SYN2: variants seen among roughly 807,000 people sequenced by gnomAD.
SYN2 encodes synapsin II.
SYN2 carries 19 observed loss-of-function variants against 50.9 expected under a neutral mutation model. The ratio of observed to expected loss-of-function variants is 0.37; its 90% CI spans 0.26 to 0.55. SYN2 has a LOEUF of 0.55. Among genes scored for constraint, SYN2 ranks in the 20% least tolerant of loss-of-function variants. SYN2 has a pLI of 0.81. For missense variants in SYN2, 587 were observed against 576.4 expected (o/e 1.02, Z -0.19); for synonymous variants, 255 against 224.9 (o/e 1.13, Z -1.20).
intron 5 of SYN2, among the ~76,000 whole-genome samples, chr3:12,159,807 C>T (rs1697594409): frequency 6.6e-6 from 1 of 152,010 alleles, no homozygotes; most frequent in East Asian, 1.9e-4. Context: ...CTTTGGGAAG[C>T]CAAGGCGGGT....
intron 1 of SYN2, among the ~76,000 whole-genome samples, chr3:12,108,528 T>C (rs1696247430): frequency 6.6e-6 from 1 of 152,222 alleles, no homozygotes; most frequent in South Asian, 2.1e-4. Context: ...GAAGAGGGCT[T>C]TGACTTAAGG....
At chr3:12,146,427 A>C (rs2125220468) in intron 4 of SYN2, among the ~76,000 whole-genome samples, 1 of 152,368 alleles carries the variant, frequency 6.6e-6, no homozygotes, top group Non-Finnish European at 1.5e-5. Context: ...TGATAGAGAT[A>C]TGAAAATTAA....
chr3:12,097,220 G>T (rs532953729), intron 1 of SYN2, among the ~76,000 whole-genome samples: 18 of 152,294 alleles, frequency 1.2e-4, no homozygotes, highest in African/African-American at 3.4e-4. Context: ...ACATGCACAC[G>T]TATGTTTATT....
At chr3:12,130,321 G>A (rs546861862) in intron 1 of SYN2, among the ~76,000 whole-genome samples, 1 of 152,104 alleles carries the variant, frequency 6.6e-6, no homozygotes, top group Admixed American at 6.5e-5. Flanking sequence ...ATCTGCAGTG[G>A]GCAAATGGGA....
chr3:12,015,196 C>G (rs1031627934), intron 1 of SYN2, among the ~76,000 whole-genome samples: 8 of 152,198 alleles, frequency 5.3e-5, no homozygotes, highest in Non-Finnish European at 1.0e-4. Flanking sequence ...TCAGTTGTTG[C>G]ATCGTCTAGC....
At position 12,161,551 on chromosome 3, in the gene SYN2, A is replaced by G; in HGVS notation, c.780A>G (p.Thr260=). The G allele has an allele frequency of 6.2e-7, 1 of 1,614,006 alleles. No homozygotes were observed. The highest frequency in any genetic ancestry group is 8.5e-7 in the Non-Finnish European group (1 of 1,179,878). Residue 260 remains threonine, a synonymous_variant, in exon 6 of 13, where the codon ACA becomes ACG. Coordinates refer to ENST00000621198, the MANE Select transcript of SYN2 (RefSeq NM_133625.6). ...CATTTCTCTTCTGATTTCAGCTGAC[A>G]CTGCCCACGTTCCCTGTGGTGGTGA... ...TYYPNHKEML[T]LPTFPVVVKI...
chr3:12,090,674 T>C (rs1469654889), intron 1 of SYN2, among the ~76,000 whole-genome samples: 2 of 152,202 alleles, frequency 1.3e-5, no homozygotes, highest in Admixed American at 1.3e-4. Flanking sequence ...ACATCAAGGA[T>C]AGCAGGTTAT....
At chr3:12,153,287 A>C in intron 5 of SYN2, 1 of 583,120 alleles carries the variant, frequency 1.7e-6, no homozygotes, top group Non-Finnish European at 3.1e-6. Context: ...TTGCAGTAAC[A>C]GCTACAAGGC....
intron 1 of SYN2, among the ~76,000 whole-genome samples, chr3:12,022,431 C>T (rs139752477): frequency 0.034 from 5,138 of 151,950 alleles, 268 homozygotes; most frequent in African/African-American, 0.11. Flanking sequence ...GTTTTTGAGA[C>T]GGAGTCTTGC....
At chr3:12,115,221 G>A (rs990676885) in intron 1 of SYN2, among the ~76,000 whole-genome samples, 2 of 152,300 alleles carry the variant, frequency 1.3e-5, no homozygotes, top group Middle Eastern at 3.4e-3. Flanking sequence ...AACAGAGTTT[G>A]GGTCCAGAAC....
chr3:12,058,455 T>TAAGACA (rs1695046376), intron 1 of SYN2, among the ~76,000 whole-genome samples: 1 of 152,248 alleles, frequency 6.6e-6, no homozygotes, highest in Admixed American at 6.5e-5. Flanking sequence ...AACAGTAATT[T>TAAGACA]ACTTCTTTTC....
In SYN2 at chr3:12,156,281, G is replaced by A. The variant is rs112890499; in HGVS notation, c.774+4955G>A. ...TAGTTCACAACTACCAAATAGTTCCGTTCTCTGAACTCCAAAATAATTTAA... is the reference window on the plus strand; with the variant it reads ...TAGTTCACAACTACCAAATAGTTCCATTCTCTGAACTCCAAAATAATTTAA... On this transcript the variant is annotated intron_variant, in intron 5 of 12. Transcript: ENST00000621198. Among the ~76,000 whole-genome samples, 553 of 152,260 alleles carry A rather than the reference G, an allele frequency of 3.6e-3. 2 individuals carry two copies. Among genetic ancestry groups the A allele is most frequent in the African/African-American group, 0.013 (521 of 41,550 alleles).
intron 1 of SYN2, among the ~76,000 whole-genome samples, chr3:12,101,244 A>G (rs1464520091): frequency 6.6e-6 from 1 of 152,238 alleles, no homozygotes; most frequent in Non-Finnish European, 1.5e-5. Flanking sequence ...GTGTCCACTA[A>G]CTGATCAATG....
At chr3:12,014,808 A>G (rs6776447) in intron 1 of SYN2, among the ~76,000 whole-genome samples, 20,569 of 152,058 alleles carry the variant, frequency 0.14, 2,438 homozygotes, top group African/African-American at 0.32. Context: ...TGTTTTTTCA[A>G]CTGCAAAGTG....
chr3:12,189,563 C>T (rs992448333), intron 12 of SYN2, among the ~76,000 whole-genome samples: 1 of 152,144 alleles, frequency 6.6e-6, no homozygotes, highest in Non-Finnish European at 1.5e-5. Context: ...AATCCCAGCA[C>T]TTTAGGAGGC....
rs746676505 is a variant in SYN2, at chr3:12,161,706, G to A, written c.837+98G>A. The A allele has an allele frequency of 6.2e-5, 86 of 1,379,894 alleles. No homozygotes were observed. In the East Asian group the frequency reaches 7.3e-4, roughly 12 times the overall value. 85.5% of individuals were successfully genotyped at this position (1,379,894 alleles called of 1,614,324 possible). On this transcript the variant is annotated intron_variant, in intron 6 of 12. Transcript: ENST00000621198. ...CTGCTATTCTCCCTCTGTCACTGATGAATTCTTTCCAAAGAGAAGATGATT... is the reference window on the plus strand; with the variant it reads ...CTGCTATTCTCCCTCTGTCACTGATAAATTCTTTCCAAAGAGAAGATGATT...
chr3:12,048,140 C>T (rs1176008283), intron 1 of SYN2, among the ~76,000 whole-genome samples: 1 of 152,046 alleles, frequency 6.6e-6, no homozygotes, highest in Non-Finnish European at 1.5e-5. Flanking sequence ...TTCGTGTTTG[C>T]TACATTTTAC....
In SYN2 at chr3:12,111,054, A is replaced by G. The variant is rs144610955; in HGVS notation, c.378-29597A>G. Among the ~76,000 whole-genome samples, 223 of 152,222 alleles carry G rather than the reference A, an allele frequency of 1.5e-3. 4 individuals are homozygous for G. In the East Asian group the frequency reaches 0.039, roughly 26 times the overall value. On this transcript the variant is annotated intron_variant, in intron 1 of 12. Coordinates refer to ENST00000621198, the MANE Select transcript of SYN2 (RefSeq NM_133625.6). ...AGGTTTGGGAGGAGCCAGGGGTGGA[A>G]TGATATGGTTTGGCTGTGTCCCCAC...
At chr3:12,026,806 A>G (rs1170077952) in intron 1 of SYN2, among the ~76,000 whole-genome samples, 1 of 152,188 alleles carries the variant, frequency 6.6e-6, no homozygotes, top group Non-Finnish European at 1.5e-5. Context: ...TTGGGTTAGC[A>G]CTGCATAGTT....
Sources: gnomAD v4.1 joint callset for allele counts (sites outside exome capture counted in the v4.1 genomes callset) on GRCh38, gnomAD v4.1.1 for gene constraint, MANE v1.5 for transcripts, NCBI Gene and HGNC (gene_info 2026-07-23, HGNC 2026-07-21) for gene names.